SIPA1L3: variants seen among roughly 807,000 people sequenced by gnomAD.
The protein encoded by SIPA1L3 is signal induced proliferation associated 1 like 3.
In SIPA1L3, 59 loss-of-function variants were observed where a neutral mutation model predicts 150.1. That is an observed-to-expected ratio of 0.39 (90% CI 0.32 to 0.49). SIPA1L3 has a LOEUF of 0.49. SIPA1L3 is among the 20% of genes least tolerant of loss of function. The pLI is 0.86. For missense variants in SIPA1L3, 2,211 were observed against 2,489.5 expected (o/e 0.89, Z 2.38); for synonymous variants, 1,070 against 1,077.6 (o/e 0.99, Z 0.14).
At chr19:37,916,241 G>T (rs900747135) in intron 1 of SIPA1L3, among the ~76,000 whole-genome samples, 2 of 151,702 alleles carry the variant, frequency 1.3e-5, no homozygotes, top group Admixed American at 6.6e-5. Context: ...TGGCCAGGCT[G>T]GTCTCAAACT....
At chr19:37,972,167 TAGTG>T (rs1966956905) in intron 1 of SIPA1L3, among the ~76,000 whole-genome samples, 1 of 77,602 alleles carries the variant, frequency 1.3e-5, no homozygotes, top group South Asian at 5.8e-4. Context: ...CAGAGATACC[TAGTG>T]TGTGTGTGTG....
In SIPA1L3 at chr19:37,927,654, G is replaced by GGTGTGTGT. The variant is rs57987208; in HGVS notation, c.-379+20327_-379+20334dup. The stretch of plus-strand genomic sequence containing the variant: ...GCTCCCACTTAGAATAAGAACATGG[G>GGTGTGTGT]GTGTGTGTGTGTGTGTGTGTGTGTG... On this transcript the variant is annotated intron_variant, in intron 1 of 21. Transcript: ENST00000222345. Among the ~76,000 whole-genome samples, 70 of 136,832 alleles carry GGTGTGTGT rather than the reference G, an allele frequency of 5.1e-4. 1 individual carries two copies. The highest frequency in any genetic ancestry group is 3.6e-3 in the Middle Eastern group (1 of 278). 89.8% of individuals were successfully genotyped at this position (136,832 alleles called of 152,430 possible). A position where few individuals can be genotyped will look rare whatever the true frequency, so the allele number is the denominator to read the frequency against.
rs962157069 is a variant in SIPA1L3, at chr19:38,165,056, G to A, written c.4208+150G>A. Reference sequence around the variant, plus strand: ...GTTTGCTGACAGAATTGAGGAGCTCGTGGATCTCTGCCTTATTGCCCATCC... The same window carrying A: ...GTTTGCTGACAGAATTGAGGAGCTCATGGATCTCTGCCTTATTGCCCATCC... On this transcript the variant is annotated intron_variant, in intron 15 of 21. Coordinates refer to ENST00000222345, the MANE Select transcript of SIPA1L3 (RefSeq NM_015073.3). 2.9e-4 allele frequency: 224 copies of A among 777,284 alleles called. 2 individuals carry two copies. Among genetic ancestry groups the A allele is most frequent in the Non-Finnish European group, 7.6e-5 (39 of 510,098 alleles). The allele number at this position is 777,284 out of a possible 1,614,324, so 48.1% of individuals were successfully genotyped here. A position where few individuals can be genotyped will look rare whatever the true frequency, so the allele number is the denominator to read the frequency against.
chr19:38,031,551 A>AAT (rs1968654138), intron 2 of SIPA1L3, among the ~76,000 whole-genome samples: 2 of 152,186 alleles, frequency 1.3e-5, no homozygotes, highest in Admixed American at 1.3e-4. Context: ...TATTTGGAAC[A>AAT]GTGCCACACA....
chr19:38,079,803 G>A (rs187375678), intron 2 of SIPA1L3, among the ~76,000 whole-genome samples: 52 of 152,232 alleles, frequency 3.4e-4, no homozygotes, highest in South Asian at 6.2e-4. Context: ...TGATCCACCC[G>A]CCTTGGCCTC....
At position 38,118,690 on chromosome 19, in the gene SIPA1L3, C is replaced by T. The variant is rs142674955; in HGVS notation, c.2292-616C>T. 8.1e-3 allele frequency among the ~76,000 whole-genome samples: 1,232 copies of T among 151,900 alleles called. 8 individuals carry two copies. The highest frequency in any genetic ancestry group is 0.014 in the Middle Eastern group (4 of 294). ...CTGGGACTACAGGCACCCACCACCA[C>T]GCCCAGCTAATTTTTGTATTTTTAG... On this transcript the variant is annotated intron_variant, in intron 8 of 21. Transcript: ENST00000222345.
intron 15 of SIPA1L3, among the ~76,000 whole-genome samples, chr19:38,176,203 G>A (rs1380037142): frequency 6.6e-6 from 1 of 151,914 alleles, no homozygotes; most frequent in Non-Finnish European, 1.5e-5. Flanking sequence ...AGTACAGATG[G>A]GGTTTCGCCA....
chr19:37,987,674 T>C (rs1322811210), intron 1 of SIPA1L3, among the ~76,000 whole-genome samples: 1 of 152,220 alleles, frequency 6.6e-6, no homozygotes, highest in Non-Finnish European at 1.5e-5. Flanking sequence ...TGGGACCCCC[T>C]AGGCCAGCTG....
intron 2 of SIPA1L3, among the ~76,000 whole-genome samples, chr19:38,039,390 G>T (rs1599940361): frequency 6.6e-6 from 1 of 151,142 alleles, no homozygotes; most frequent in Non-Finnish European, 1.5e-5. Context: ...TGCCAGCGGG[G>T]GGTGGGGGTG....
chr19:38,101,743 A>G (rs1340394585), intron 6 of SIPA1L3, among the ~76,000 whole-genome samples: 1 of 152,176 alleles, frequency 6.6e-6, no homozygotes, highest in Non-Finnish European at 1.5e-5. Context: ...AGTACAGCAC[A>G]TTCAAGTCCA....
chr19:37,983,896 A>G (rs1282536537), intron 1 of SIPA1L3, among the ~76,000 whole-genome samples: 3 of 126,440 alleles, frequency 2.4e-5, no homozygotes, highest in African/African-American at 9.4e-5. Context: ...ACTGAGCGAG[A>G]CCCCATCTCA....
At chr19:37,950,258 T>G (rs62112291) in intron 1 of SIPA1L3, among the ~76,000 whole-genome samples, 8,170 of 152,092 alleles carry the variant, frequency 0.054, 262 homozygotes, top group East Asian at 0.11. Flanking sequence ...TTAGACAAAC[T>G]TAGGTAAAGG....
chr19:38,112,015 G>C (rs1600087192), intron 8 of SIPA1L3, among the ~76,000 whole-genome samples: 1 of 136,702 alleles, frequency 7.3e-6, no homozygotes. Context: ...GCACACACAT[G>C]CACACACACG....
chr19:37,908,072 A>G lies in SIPA1L3; in HGVS notation c.-379+714A>G, dbSNP rs1051005430. ...GAGTTGTTTTCAGGATGCAGTGAGA[A>G]TACCATGTGTAAAGTGCTTAGCACA... On this transcript the variant is annotated intron_variant, in intron 1 of 21. Transcript: ENST00000222345. 3 of 152,348 alleles carry G rather than the reference A, an allele frequency of 2.0e-5. 1 individual carries two copies. The highest frequency in any genetic ancestry group is 1.3e-4 in the Admixed American group (2 of 15,306). 9.4% of individuals were successfully genotyped at this position (152,348 alleles called of 1,614,324 possible). A position where few individuals can be genotyped will look rare whatever the true frequency, so the allele number is the denominator to read the frequency against.
intron 1 of SIPA1L3, among the ~76,000 whole-genome samples, chr19:38,021,273 G>A (rs779897055): frequency 6.6e-6 from 1 of 152,154 alleles, no homozygotes; most frequent in African/African-American, 2.4e-5. Flanking sequence ...ACACATAGGC[G>A]GTCCTTTGTG....
intron 15 of SIPA1L3, among the ~76,000 whole-genome samples, chr19:38,180,120 G>C (rs572680041): frequency 1.3e-5 from 2 of 152,140 alleles, no homozygotes; most frequent in East Asian, 3.9e-4. Flanking sequence ...AACCCGAGGA[G>C]TTTTAAAATT....
Position 38,193,578 on chromosome 19 carries a change from G to A in SIPA1L3, c.4638G>A (p.Glu1546=), listed in dbSNP as rs537105649. ...QKGLQRTLSD[E]SLCSGRREPS... Reference sequence around the variant, plus strand: ...GCCTGCAGCGGACGCTGTCGGACGAGAGCCTGTGCAGCGGGCGCCGGGAGC... The same window carrying A: ...GCCTGCAGCGGACGCTGTCGGACGAAAGCCTGTGCAGCGGGCGCCGGGAGC... The change falls in exon 18 of 22, where the codon GAG becomes GAA. Residue 1546 remains glutamate (E), a synonymous_variant. Transcript: ENST00000222345. 1.3e-6 allele frequency: 2 copies of A among 1,545,936 alleles called. No homozygotes were observed. Among genetic ancestry groups the A allele is most frequent in the Non-Finnish European group, 1.7e-6 (2 of 1,156,818 alleles).
In SIPA1L3 at chr19:38,130,715, C is replaced by T. The variant is rs1225028480; in HGVS notation, c.3086C>T (p.Thr1029Ile). 6.2e-7 allele frequency: 1 copy of T among 1,613,846 alleles called. No homozygotes were observed. Among genetic ancestry groups the T allele is most frequent in the Non-Finnish European group, 8.5e-7 (1 of 1,179,890 alleles). ...THDQMIDLLR[T>I]SVTVKVVIIP... ...GACCAGATGATCGACCTGCTGCGCA[C>T]CTCTGTCACTGTGAAGGTGGTCATC... is the stretch of plus-strand genomic sequence containing the variant. The change falls in exon 10 of 22, where the codon ACC (threonine) becomes ATC (isoleucine). Residue 1029 changes from threonine to isoleucine, a missense_variant. Thr to Ile is a moderately conservative substitution (Grantham distance 89). Transcript: ENST00000222345.
rs533630302 is a variant in SIPA1L3, at chr19:37,993,983, T to A, written c.-378-35106T>A. 6.2e-4 allele frequency among the ~76,000 whole-genome samples: 94 copies of A among 152,222 alleles called. 2 individuals are homozygous for A. The highest frequency in any genetic ancestry group is 1.0e-4 in the Non-Finnish European group (7 of 68,014). On this transcript the variant is annotated intron_variant, in intron 1 of 21. Transcript: ENST00000222345. The stretch of plus-strand genomic sequence containing the variant: ...AATCATAGCTCACTGCAGCCAAGAA[T>A]TCCTGGGCTCAAGCAATCCTCCTAT...
Sources: allele counts gnomAD v4.1 joint callset (sites outside exome capture counted in the v4.1 genomes callset), GRCh38; gene constraint gnomAD v4.1.1; transcripts MANE v1.5; gene names NCBI Gene and HGNC (gene_info 2026-07-23, HGNC 2026-07-21).